SNX13: variants seen among roughly 807,000 people sequenced by gnomAD.
The protein encoded by SNX13 is sorting nexin-13.
A neutral mutation model predicts 133.6 loss-of-function variants in SNX13; 45 were observed. The ratio of observed to expected loss-of-function variants is 0.34; its 90% confidence interval spans 0.27 to 0.43. The LOEUF (loss-of-function observed/expected upper bound fraction) is 0.43, where lower values mean the gene tolerates loss of function less well. SNX13 is among the 20% of genes least tolerant of loss of function. The pLI is 1.00. For missense variants in SNX13, 1,032 were observed against 1,145.1 expected, an observed-to-expected ratio of 0.90 and a Z score of 1.43; for synonymous variants, 414 against 373.9, an observed-to-expected ratio of 1.11 and a Z score of -1.24.
At chr7:17,830,697 C>T (rs1788392282) in intron 15 of SNX13, 1 of 979,796 alleles carries the variant, frequency 1.0e-6, no homozygotes, top group Non-Finnish European at 1.2e-6. Flanking sequence ...TGTCAAACAA[C>T]AATCTTTTCC....
intron 1 of SNX13, among the ~76,000 whole-genome samples, chr7:17,910,798 G>C (rs746303470): frequency 2.6e-5 from 4 of 152,142 alleles, no homozygotes; most frequent in Non-Finnish European, 5.9e-5. Flanking sequence ...CAGACACAAA[G>C]GCCACAGTTT....
intron 15 of SNX13, chr7:17,831,818 T>A (rs1341482882): frequency 1.0e-6 from 1 of 982,530 alleles, no homozygotes; most frequent in Non-Finnish European, 1.2e-6. Flanking sequence ...TTTGATTAAA[T>A]AATCATATAA....
At chr7:17,923,104 T>TAAAACACTCATTAA (rs1244500007) in intron 1 of SNX13, among the ~76,000 whole-genome samples, 30 of 152,206 alleles carry the variant, frequency 2.0e-4, no homozygotes, top group Non-Finnish European at 2.5e-4. Flanking sequence ...TTAAAATATT[T>TAAAACACTCATTAA]AAGTGAAGGC....
intron 1 of SNX13, among the ~76,000 whole-genome samples, chr7:17,912,559 CA>C (rs1799101282): frequency 6.6e-6 from 1 of 151,918 alleles, no homozygotes; most frequent in Admixed American, 6.6e-5. Flanking sequence ...TACAGGCGCC[CA>C]CCACCACACC....
rs1404420 is a variant in SNX13 at position 17,791,394 on chromosome 7, T to G, written c.*2651A>C. On this transcript the variant is annotated 3_prime_UTR_variant, in exon 26 of 26. Coordinates refer to ENST00000428135, the MANE Select transcript of SNX13 (RefSeq NM_015132.5). ...AGAAAGTTTTTGTTTTTTTTTTTTT[T>G]AAAAAAATTAAGGCTAACCAAGTGC... 6.7e-6 allele frequency: 1 copy of G among 150,144 alleles called. No homozygotes were observed. Among genetic ancestry groups the G allele is most frequent in the Non-Finnish European group, 1.5e-5 (1 of 67,364 alleles). The allele number at this position is 150,144 out of a possible 1,614,324, so 9.3% of individuals were successfully genotyped here.
At chr7:17,859,005 C>T (rs1254987535) in intron 9 of SNX13, among the ~76,000 whole-genome samples, 1 of 151,986 alleles carries the variant, frequency 6.6e-6, no homozygotes, top group African/African-American at 2.4e-5. Flanking sequence ...TAAAACTTAG[C>T]ATAGGCAAAT....
chr7:17,849,423 C>A (rs536697242), intron 11 of SNX13, among the ~76,000 whole-genome samples: 4 of 152,308 alleles, frequency 2.6e-5, no homozygotes, highest in African/African-American at 9.6e-5. Flanking sequence ...AATAATCTCT[C>A]AGTTTCCATT....
At chr7:17,854,131 A>AT (rs1463229707) in intron 9 of SNX13, among the ~76,000 whole-genome samples, 1 of 152,150 alleles carries the variant, frequency 6.6e-6, no homozygotes, top group Non-Finnish European at 1.5e-5. Context: ...TCTGTTCTTT[A>AT]TTTAAGAAAG....
At position 17,850,962 on chromosome 7, in the gene SNX13, G is replaced by C. The variant is rs1317096421; in HGVS notation, c.840C>G (p.Ile280Met). 6.3e-7 allele frequency: 1 copy of C among 1,599,776 alleles called. No individual in the cohort carries two copies. Among genetic ancestry groups the C allele is most frequent in the Non-Finnish European group, 8.5e-7 (1 of 1,174,886 alleles). Residue 280 changes from isoleucine to methionine, a missense_variant and splice_region_variant, in exon 10 of 26, where the codon ATC becomes ATG. Physicochemically the swap from Ile to Met is conservative, Grantham distance 10. Transcript: ENST00000428135. ...DYINQYVIWM[I>M]RDSNCNYEAF... ...CCTCATAGTTGCAGTTAGAATCACG[G>C]ATCTGAAAACAAGTTTAAGAAAAAC...
intron 1 of SNX13, among the ~76,000 whole-genome samples, chr7:17,935,467 TA>T (rs1305589329): frequency 1.3e-5 from 2 of 152,236 alleles, no homozygotes; most frequent in African/African-American, 4.8e-5. Flanking sequence ...TCATGTATTT[TA>T]TTTTTTAAAT....
At chr7:17,931,420 T>C (rs1801378370) in intron 1 of SNX13, among the ~76,000 whole-genome samples, 1 of 152,198 alleles carries the variant, frequency 6.6e-6, no homozygotes, top group Non-Finnish European at 1.5e-5. Flanking sequence ...TCCACTAAAA[T>C]TGTACAACTT....
chr7:17,937,961 C>T (rs1183635602), intron 1 of SNX13, among the ~76,000 whole-genome samples: 5 of 152,198 alleles, frequency 3.3e-5, no homozygotes, highest in Non-Finnish European at 1.5e-5. Flanking sequence ...CACAGCTCAT[C>T]ACTACACATT....
chr7:17,871,686 C>G (rs533542222), intron 8 of SNX13, among the ~76,000 whole-genome samples: 1 of 152,276 alleles, frequency 6.6e-6, no homozygotes, highest in Admixed American at 6.5e-5. Context: ...TCCACTGATC[C>G]CCAGCCTGCT....
intron 3 of SNX13, 108 bp downstream of exon 3, chr7:17,893,224 C>A: frequency 1.6e-6 from 1 of 628,684 alleles, no homozygotes; most frequent in Non-Finnish European, 2.7e-6. Flanking sequence ...TCCCAGTGAG[C>A]ATTAGTAAAC....
At chr7:17,923,849 A>G (rs1431695327) in intron 1 of SNX13, among the ~76,000 whole-genome samples, 2 of 152,216 alleles carry the variant, frequency 1.3e-5, no homozygotes, top group African/African-American at 4.8e-5. Context: ...GTTGTTAATT[A>G]TTCGACACTG....
intron 20 of SNX13, among the ~76,000 whole-genome samples, chr7:17,805,475 G>A (rs1785188170): frequency 6.6e-6 from 1 of 152,242 alleles, no homozygotes; most frequent in African/African-American, 2.4e-5. Flanking sequence ...TTTAAAATGT[G>A]CAGCTTGGGA....
At chr7:17,906,980 A>G (rs1197857734) in intron 1 of SNX13, among the ~76,000 whole-genome samples, 3 of 152,230 alleles carry the variant, frequency 2.0e-5, no homozygotes, top group African/African-American at 7.2e-5. Context: ...TGAAAGCCAC[A>G]AGCTGACAGA....
rs34649849 is a variant in SNX13 at position 17,814,952 on chromosome 7, G to GAAAAA, written c.1954-13_1954-9dup. ...TTCAGGAGCTAACAGTAACTAACAA[G>GAAAAA]AAAAAAAAAAAAAAGAAGAGATTAT... On this transcript the variant is annotated splice_polypyrimidine_tract_variant and intron_variant, in intron 19 of 25. Coordinates refer to ENST00000428135, the MANE Select transcript of SNX13 (RefSeq NM_015132.5). 114 of 1,223,028 alleles carry GAAAAA rather than the reference G, an allele frequency of 9.3e-5. No individual in the cohort carries two copies. Among genetic ancestry groups the GAAAAA allele is most frequent in the South Asian group, 5.8e-4 (26 of 44,988 alleles). 75.8% of individuals were successfully genotyped at this position (1,223,028 alleles called of 1,614,324 possible). A position where few individuals can be genotyped will look rare whatever the true frequency, so the allele number is the denominator to read the frequency against.
At chr7:17,840,354 C>A (rs1382272098) in intron 12 of SNX13, among the ~76,000 whole-genome samples, 1 of 151,892 alleles carries the variant, frequency 6.6e-6, no homozygotes, top group Non-Finnish European at 1.5e-5. Flanking sequence ...ACTCTTCAAA[C>A]CATATATTTA....
Sources: gnomAD v4.1 joint callset for allele counts (sites outside exome capture counted in the v4.1 genomes callset) on GRCh38, gnomAD v4.1.1 for gene constraint, MANE v1.5 for transcripts, NCBI Gene and HGNC (gene_info 2026-07-23, HGNC 2026-07-21) for gene names.